FIGN: variants seen among roughly 807,000 people sequenced by gnomAD.
FIGN encodes the protein fidgetin, microtubule severing factor.
A neutral mutation model predicts 51.3 loss-of-function variants in FIGN; 11 were observed. The observed-to-expected ratio is 0.21, with a 90% CI of 0.13 to 0.35. The LOEUF is 0.35. Ranked by LOEUF, FIGN falls within the 10% of genes least tolerant of loss-of-function variation. FIGN has a pLI of 1.00. For missense variants in FIGN, 857 were observed against 943.6 expected (o/e 0.91, Z 1.20); for synonymous variants, 407 against 363.2 (o/e 1.12, Z -1.37).
intron 2 of FIGN, among the ~76,000 whole-genome samples, chr2:163,717,494 G>A (rs1263634993): frequency 1.3e-5 from 2 of 152,046 alleles, no homozygotes; most frequent in Non-Finnish European, 2.9e-5. Context: ...GGGTGATGGA[G>A]GGGTGGGACA....
chr2:163,653,536 A>G (rs1185234818), intron 2 of FIGN, among the ~76,000 whole-genome samples: 1 of 152,126 alleles, frequency 6.6e-6, no homozygotes, highest in Non-Finnish European at 1.5e-5. Flanking sequence ...TGACAATAAC[A>G]TTATCAATTT....
At chr2:163,627,554 T>C (rs1683072238) in intron 2 of FIGN, among the ~76,000 whole-genome samples, 1 of 152,088 alleles carries the variant, frequency 6.6e-6, no homozygotes, top group Non-Finnish European at 1.5e-5. Context: ...CTTTTGGCCC[T>C]ATCATGCAGA....
At chr2:163,722,697 TAGAA>T (rs1161059006) in intron 2 of FIGN, among the ~76,000 whole-genome samples, 1 of 152,072 alleles carries the variant, frequency 6.6e-6, no homozygotes, top group African/African-American at 2.4e-5. Context: ...GATACAAAAA[TAGAA>T]TTAATGACTG....
intron 2 of FIGN, among the ~76,000 whole-genome samples, chr2:163,628,077 A>T (rs1423757079): frequency 6.6e-6 from 1 of 152,234 alleles, no homozygotes; most frequent in Non-Finnish European, 1.5e-5. Flanking sequence ...ACAGTTTAAA[A>T]AATGACAAAT....
intron 2 of FIGN, among the ~76,000 whole-genome samples, chr2:163,699,989 C>T (rs1276507102): frequency 6.6e-6 from 1 of 151,786 alleles, no homozygotes; most frequent in Non-Finnish European, 1.5e-5. Context: ...TACCCTATGA[C>T]TGACTGTATG....
At chr2:163,723,640 T>A (rs1287371760) in intron 2 of FIGN, among the ~76,000 whole-genome samples, 1 of 152,202 alleles carries the variant, frequency 6.6e-6, no homozygotes, top group Non-Finnish European at 1.5e-5. Flanking sequence ...TAGTTGCTGA[T>A]AAAGTACAGG....
chr2:163,640,008 T>C (rs943061882), intron 2 of FIGN, among the ~76,000 whole-genome samples: 1 of 152,180 alleles, frequency 6.6e-6, no homozygotes, highest in Non-Finnish European at 1.5e-5. Flanking sequence ...GCTACAGTTA[T>C]TACCCTCATG....
intron 2 of FIGN, among the ~76,000 whole-genome samples, chr2:163,637,789 A>T (rs762479237): frequency 3.9e-5 from 6 of 152,172 alleles, no homozygotes; most frequent in Non-Finnish European, 8.8e-5. Flanking sequence ...CTATGTAAGT[A>T]ACTCTACAGA....
At chr2:163,630,964 A>G (rs1683136462) in intron 2 of FIGN, among the ~76,000 whole-genome samples, 1 of 152,214 alleles carries the variant, frequency 6.6e-6, no homozygotes, top group Non-Finnish European at 1.5e-5. Flanking sequence ...TTCCTATTTC[A>G]TAACAAAAGA....
rs553458807 is a variant in FIGN, at chr2:163,665,892, C to A, written c.26-54086G>T. On this transcript the variant is annotated intron_variant, in intron 2 of 2. Transcript: ENST00000333129. ...TGCTCTCTTCATCAGAAAAATGAGACCTATGGTTTTATTTTTACAAAGTGC... is the reference window on the plus strand; with the variant it reads ...TGCTCTCTTCATCAGAAAAATGAGAACTATGGTTTTATTTTTACAAAGTGC... 2.0e-4 allele frequency among the ~76,000 whole-genome samples: 31 copies of A among 152,128 alleles called. No individual in the cohort carries two copies. In the South Asian group the frequency reaches 4.6e-3, roughly 22 times the overall value.
At chr2:163,683,349 T>A (rs1573947865) in intron 2 of FIGN, among the ~76,000 whole-genome samples, 1 of 152,168 alleles carries the variant, frequency 6.6e-6, no homozygotes, top group South Asian at 2.1e-4. Context: ...TTAAGTGAAA[T>A]GACAAAATTG....
intron 2 of FIGN, among the ~76,000 whole-genome samples, chr2:163,632,087 G>T (rs1683154032): frequency 6.6e-6 from 1 of 152,172 alleles, no homozygotes; most frequent in African/African-American, 2.4e-5. Flanking sequence ...GGCAGAGATT[G>T]CAGTGAACTG....
intron 2 of FIGN, among the ~76,000 whole-genome samples, chr2:163,646,610 CTT>C (rs1350819009): frequency 6.6e-6 from 1 of 152,080 alleles, no homozygotes; most frequent in Non-Finnish European, 1.5e-5. Flanking sequence ...AGAAAATAAA[CTT>C]TATCATTGTT....
chr2:163,720,812 A>C (rs1012783581), intron 2 of FIGN, among the ~76,000 whole-genome samples: 3 of 152,190 alleles, frequency 2.0e-5, no homozygotes, highest in African/African-American at 7.2e-5. Context: ...GCACGCATGC[A>C]TGTACCTATG....
At chr2:163,714,713 A>T (rs1054945334) in intron 2 of FIGN, among the ~76,000 whole-genome samples, 1 of 152,228 alleles carries the variant, frequency 6.6e-6, no homozygotes, top group Non-Finnish European at 1.5e-5. Context: ...AAAGCAAACC[A>T]AAAGATGTAG....
At chr2:163,684,843 C>T (rs1365409515) in intron 2 of FIGN, among the ~76,000 whole-genome samples, 2 of 152,036 alleles carry the variant, frequency 1.3e-5, no homozygotes, top group African/African-American at 4.8e-5. Context: ...GGCGTGATCT[C>T]GGCTCACTGC....
chr2:163,661,249 T>C (rs895405756), intron 2 of FIGN, among the ~76,000 whole-genome samples: 27 of 151,308 alleles, frequency 1.8e-4, no homozygotes, highest in Non-Finnish European at 3.2e-4. Context: ...ATTATTATTA[T>C]TATTTTTTGA....
At chr2:163,692,049 A>G (rs1251317764) in intron 2 of FIGN, among the ~76,000 whole-genome samples, 1 of 152,226 alleles carries the variant, frequency 6.6e-6, no homozygotes, top group Non-Finnish European at 1.5e-5. Flanking sequence ...TTACTGTCTT[A>G]GCAAACAATG....
intron 2 of FIGN, among the ~76,000 whole-genome samples, chr2:163,646,800 C>G (rs1683389696): frequency 6.6e-6 from 1 of 152,232 alleles, no homozygotes; most frequent in African/African-American, 2.4e-5. Flanking sequence ...ACACATCTCA[C>G]TTTCTCCATT....
Sources: allele counts gnomAD v4.1 joint callset (sites outside exome capture counted in the v4.1 genomes callset), GRCh38; gene constraint gnomAD v4.1.1; transcripts MANE v1.5; gene names NCBI Gene and HGNC (gene_info 2026-07-23, HGNC 2026-07-21).